ZCCHC24: variants seen among roughly 807,000 people sequenced by gnomAD.
The protein encoded by ZCCHC24 is zinc finger CCHC domain-containing protein 24.
Under a neutral mutation model 26.2 loss-of-function variants are expected in ZCCHC24, and 10 were observed. The observed-to-expected ratio is 0.38, with a 90% CI of 0.24 to 0.65. The LOEUF is 0.65. Among genes scored for constraint, ZCCHC24 ranks in the 30% least tolerant of loss-of-function variants. The pLI, the probability that ZCCHC24 is intolerant of heterozygous loss-of-function variation, is 0.54. For synonymous variants in ZCCHC24, 144 were observed against 147.1 expected (o/e 0.98, Z 0.15); for missense variants, 243 against 329.1 (o/e 0.74, Z 2.03).
chr10:79,393,122 C>T (rs1156663262), intron 3 of ZCCHC24, among the ~76,000 whole-genome samples: 3 of 152,214 alleles, frequency 2.0e-5, no homozygotes, highest in Non-Finnish European at 4.4e-5. Context: ...CCCTTCTCTA[C>T]TCTGTCTACA....
intron 2 of ZCCHC24, 200 bp from the exon 3 acceptor site, chr10:79,394,640 GAAAACAGAGGAGATGGTGAA>G (rs1856521179): frequency 1.0e-6 from 1 of 985,440 alleles, no homozygotes; most frequent in Non-Finnish European, 1.2e-6. Flanking sequence ...ATAGGGAACA[GAAAACAGAGGAGATGGTGAA>G]AAAACAGAGG....
intron 2 of ZCCHC24, among the ~76,000 whole-genome samples, chr10:79,406,469 G>A (rs1042682676): frequency 1.3e-5 from 2 of 152,100 alleles, no homozygotes; most frequent in African/African-American, 4.8e-5. Context: ...TTCACCAAGG[G>A]GCTGGAAAGA....
Position 79,386,343 on chromosome 10 carries a change from C to A in ZCCHC24, c.*2G>T, listed in dbSNP as rs370002671. 6.2e-7 allele frequency: 1 copy of A among 1,612,124 alleles called. No individual in the cohort carries two copies. Among genetic ancestry groups the A allele is most frequent in the Non-Finnish European group, 8.5e-7 (1 of 1,179,322 alleles). On this transcript the variant is annotated 3_prime_UTR_variant, in exon 4 of 4. Coordinates refer to ENST00000372336, the MANE Select transcript of ZCCHC24 (RefSeq NM_153367.4). ...TGGCTCTGGGTGCGGGCGGGCAGCC[C>A]GTCACTGCACGCGACGGCAGTAGTA...
At chr10:79,431,964 G>C (rs767776887) in intron 2 of ZCCHC24, among the ~76,000 whole-genome samples, 30 of 152,196 alleles carry the variant, frequency 2.0e-4, no homozygotes, top group Admixed American at 3.9e-4. Flanking sequence ...ATTGGATCAG[G>C]TGGGGGCCTC....
intron 2 of ZCCHC24, among the ~76,000 whole-genome samples, chr10:79,414,106 G>C (rs560822436): frequency 1.3e-5 from 2 of 152,348 alleles, no homozygotes; most frequent in African/African-American, 4.8e-5. Flanking sequence ...AGGTGAGGGG[G>C]CACGTGTCCC....
intron 2 of ZCCHC24, among the ~76,000 whole-genome samples, chr10:79,427,967 A>G (rs1170233951): frequency 6.6e-6 from 1 of 152,234 alleles, no homozygotes; most frequent in East Asian, 1.9e-4. Context: ...CCACCTGAAG[A>G]AACTAGAAAA....
At chr10:79,394,680 A>C (rs1272806480) in intron 2 of ZCCHC24, 1 of 965,496 alleles carries the variant, frequency 1.0e-6, no homozygotes, top group East Asian at 1.1e-4. Flanking sequence ...GAGATGGCGC[A>C]CGTCTCTTCT....
intron 1 of ZCCHC24, among the ~76,000 whole-genome samples, chr10:79,441,459 T>G (rs1432654778): frequency 6.6e-6 from 1 of 152,138 alleles, no homozygotes; most frequent in Non-Finnish European, 1.5e-5. Flanking sequence ...AAGAGGAGGT[T>G]CATTGCTGCA....
At chr10:79,437,614 A>T (rs1253156075) in intron 1 of ZCCHC24, among the ~76,000 whole-genome samples, 2 of 152,300 alleles carry the variant, frequency 1.3e-5, no homozygotes, top group Non-Finnish European at 2.9e-5. Flanking sequence ...GGAAAATGCC[A>T]GGTGCGGACC....
intron 2 of ZCCHC24, among the ~76,000 whole-genome samples, chr10:79,401,292 C>T (rs1856629077): frequency 1.3e-5 from 2 of 152,246 alleles, no homozygotes; most frequent in South Asian, 4.1e-4. Flanking sequence ...CCTGCCAAAC[C>T]CTGGGATGGA....
rs1856355172 is a variant in ZCCHC24 at position 79,383,719 on chromosome 10, T to C, written c.*2626A>G. ...TTTCGGGAAAAGCTACCAAATTCAG[T>C]GTTGTGAGAAAAACTGGTAACCATG... On this transcript the variant is annotated 3_prime_UTR_variant, in exon 4 of 4. Transcript: ENST00000372336. 6.6e-6 allele frequency: 1 copy of C among 152,540 alleles called. No individual in the cohort carries two copies. The highest frequency in any genetic ancestry group is 1.5e-5 in the Non-Finnish European group (1 of 68,016). 9.4% of individuals were successfully genotyped at this position (152,540 alleles called of 1,614,324 possible). A position where few individuals can be genotyped will look rare whatever the true frequency, so the allele number is the denominator to read the frequency against.
Position 79,384,457 on chromosome 10 carries a change from C to T in ZCCHC24, c.*1888G>A, listed in dbSNP as rs866074507. Reference sequence around the variant, plus strand: ...TTCTCCTTGGGACAGAAGCCTGGGCCGGGGCCAACCCCAGCTCACCTCAAC... The same window carrying T: ...TTCTCCTTGGGACAGAAGCCTGGGCTGGGGCCAACCCCAGCTCACCTCAAC... On this transcript the variant is annotated 3_prime_UTR_variant, in exon 4 of 4. Transcript: ENST00000372336. The T allele has an allele frequency of 4.6e-5, 7 of 152,472 alleles. No homozygotes were observed. The highest frequency in any genetic ancestry group is 7.2e-5 in the African/African-American group (3 of 41,466). 9.4% of individuals were successfully genotyped at this position (152,472 alleles called of 1,614,324 possible). A position where few individuals can be genotyped will look rare whatever the true frequency, so the allele number is the denominator to read the frequency against.
chr10:79,399,340 G>T (rs1331529048), intron 2 of ZCCHC24, among the ~76,000 whole-genome samples: 1 of 152,170 alleles, frequency 6.6e-6, no homozygotes, highest in Non-Finnish European at 1.5e-5. Flanking sequence ...GAAAGGCACG[G>T]CCTCTTCTCA....
chr10:79,428,448 ATAAATTT>A lies in ZCCHC24; in HGVS notation c.447+4103_447+4109del, dbSNP rs1857073224. ...GCAAGATAAATTTCAGTTTTGCAAGATAAATTTCAGTTTTGCAAGATAAATTTCAGTT... is the reference window on the plus strand; with the variant it reads ...GCAAGATAAATTTCAGTTTTGCAAGACAGTTTTGCAAGATAAATTTCAGTT... On this transcript the variant is annotated intron_variant, in intron 2 of 3. Coordinates refer to ENST00000372336, the MANE Select transcript of ZCCHC24 (RefSeq NM_153367.4). Among the ~76,000 whole-genome samples the A allele has an allele frequency of 5.8e-5, 3 of 51,572 alleles. No homozygotes were observed. In the East Asian group the frequency reaches 7.4e-4, roughly 13 times the overall value. 33.8% of individuals were successfully genotyped at this position (51,572 alleles called of 152,430 possible). A position where few individuals can be genotyped will look rare whatever the true frequency, so the allele number is the denominator to read the frequency against.
At chr10:79,434,019 A>T (rs1161133886) in intron 1 of ZCCHC24, among the ~76,000 whole-genome samples, 1 of 151,544 alleles carries the variant, frequency 6.6e-6, no homozygotes, top group Non-Finnish European at 1.5e-5. Context: ...GGCATCTGCC[A>T]CTCCCCTCCT....
At chr10:79,410,313 C>T (rs1426637526) in intron 2 of ZCCHC24, among the ~76,000 whole-genome samples, 1 of 152,258 alleles carries the variant, frequency 6.6e-6, no homozygotes, top group African/African-American at 2.4e-5. Flanking sequence ...ATTCTTTCCT[C>T]ATCTTTCTTG....
chr10:79,430,732 C>T (rs891082642), intron 2 of ZCCHC24, among the ~76,000 whole-genome samples: 1 of 147,726 alleles, frequency 6.8e-6, no homozygotes, highest in Non-Finnish European at 1.5e-5. Context: ...ATCCCCGGGC[C>T]TCTGGCTCAC....
intron 2 of ZCCHC24, among the ~76,000 whole-genome samples, chr10:79,412,502 A>G (rs1346967187): frequency 6.6e-6 from 1 of 152,276 alleles, no homozygotes; most frequent in Non-Finnish European, 1.5e-5. Context: ...AGCCACAGGC[A>G]GCTCCAGATT....
At chr10:79,426,607 A>T (rs1226319510) in intron 2 of ZCCHC24, among the ~76,000 whole-genome samples, 1 of 152,236 alleles carries the variant, frequency 6.6e-6, no homozygotes. Context: ...TCAAGTTATA[A>T]ATCTGAGGCA....
Sources: gnomAD v4.1 joint callset for allele counts (sites outside exome capture counted in the v4.1 genomes callset) on GRCh38, gnomAD v4.1.1 for gene constraint, MANE v1.5 for transcripts, NCBI Gene and HGNC (gene_info 2026-07-23, HGNC 2026-07-21) for gene names.